EGFLAM: variants seen among roughly 807,000 people sequenced by gnomAD.
The protein encoded by EGFLAM is pikachurin.
Under a neutral mutation model 113.1 loss-of-function variants are expected in EGFLAM, and 79 were observed. That is an observed-to-expected ratio of 0.70 (90% CI 0.58 to 0.84). The LOEUF (loss-of-function observed/expected upper bound fraction) is 0.84. EGFLAM is among the 40% of genes least tolerant of loss of function. The pLI is 0.00. For synonymous variants in EGFLAM, 504 were observed against 487.6 expected (o/e 1.03, Z -0.44); for missense variants, 1,265 against 1,291.6 (o/e 0.98, Z 0.32).
chr5:38,342,001 G>A (rs1739350514), intron 3 of EGFLAM, among the ~76,000 whole-genome samples: 1 of 151,526 alleles, frequency 6.6e-6, no homozygotes, highest in Non-Finnish European at 1.5e-5. Context: ...TTGTAAGCAT[G>A]TTTTAGAAAA....
At chr5:38,274,755 C>A (rs1274619381) in intron 1 of EGFLAM, among the ~76,000 whole-genome samples, 1 of 152,150 alleles carries the variant, frequency 6.6e-6, no homozygotes, top group Non-Finnish European at 1.5e-5. Flanking sequence ...TAAAAAAAAT[C>A]TGAAAGTATA....
intron 11 of EGFLAM, among the ~76,000 whole-genome samples, chr5:38,417,497 T>TA (rs1291707887): frequency 2.6e-5 from 4 of 151,838 alleles, no homozygotes; most frequent in East Asian, 1.9e-4. Flanking sequence ...TACCTCACTG[T>TA]AAAAAAAAGA....
chr5:38,416,914 C>T (rs1418999509), intron 11 of EGFLAM, among the ~76,000 whole-genome samples: 1 of 152,178 alleles, frequency 6.6e-6, no homozygotes, highest in African/African-American at 2.4e-5. Flanking sequence ...AGATTTTCCA[C>T]TTGCTGGTAA....
intron 15 of EGFLAM, among the ~76,000 whole-genome samples, chr5:38,433,828 C>A (rs950747949): frequency 5.9e-5 from 9 of 152,180 alleles, no homozygotes; most frequent in African/African-American, 2.2e-4. Flanking sequence ...CTTTATACTT[C>A]TTTGTTAACC....
intron 13 of EGFLAM, 51 bp downstream of exon 13, chr5:38,425,143 TA>T (rs770025936): frequency 6.3e-7 from 1 of 1,587,212 alleles, no homozygotes; most frequent in South Asian, 1.1e-5. Context: ...TTAATTTGTG[TA>T]GATGTACTTT....
At chr5:38,449,674 A>ATG (rs141510682) in intron 18 of EGFLAM, among the ~76,000 whole-genome samples, 13,048 of 150,044 alleles carry the variant, frequency 0.087, 1,485 homozygotes, top group African/African-American at 0.27. Context: ...GTGCGCATGC[A>ATG]TGTGTGTGTG....
At chr5:38,283,677 C>T (rs1758080955) in intron 1 of EGFLAM, among the ~76,000 whole-genome samples, 1 of 152,172 alleles carries the variant, frequency 6.6e-6, no homozygotes, top group Non-Finnish European at 1.5e-5. Context: ...AGTCTTCTGA[C>T]CCCTGGTCTA....
chr5:38,425,118 G>C (rs563393236), intron 13 of EGFLAM, 26 bp downstream of exon 13: 3 of 1,607,278 alleles, frequency 1.9e-6, no homozygotes, highest in African/African-American at 2.7e-5. Flanking sequence ...GTTGAAGGCG[G>C]TTTCTATCTG....
At chr5:38,463,369 A>G (rs1157578402) in intron 21 of EGFLAM, among the ~76,000 whole-genome samples, 1 of 152,226 alleles carries the variant, frequency 6.6e-6, no homozygotes, top group African/African-American at 2.4e-5. Context: ...GGCTTATTAT[A>G]ATTAATTCAC....
At chr5:38,364,634 G>A (rs376856138) in intron 5 of EGFLAM, among the ~76,000 whole-genome samples, 4 of 152,226 alleles carry the variant, frequency 2.6e-5, no homozygotes, top group South Asian at 2.1e-4. Flanking sequence ...TAGCATTCCC[G>A]TCTTTGAAAG....
At chr5:38,301,399 G>T (rs1349716292) in intron 1 of EGFLAM, among the ~76,000 whole-genome samples, 1 of 152,132 alleles carries the variant, frequency 6.6e-6, no homozygotes, top group Non-Finnish European at 1.5e-5. Flanking sequence ...GAGGACACCG[G>T]TGCCTTTGAA....
chr5:38,422,119 C>T (rs564579726), intron 12 of EGFLAM, among the ~76,000 whole-genome samples: 1 of 152,084 alleles, frequency 6.6e-6, no homozygotes, highest in Non-Finnish European at 1.5e-5. Context: ...TGTTCATGGT[C>T]TCTTTAAGGA....
At chr5:38,453,219 G>T (rs527438673) in intron 19 of EGFLAM, among the ~76,000 whole-genome samples, 1 of 152,214 alleles carries the variant, frequency 6.6e-6, no homozygotes, top group South Asian at 2.1e-4. Flanking sequence ...AGTTCCATGG[G>T]GGAACTCATT....
At chr5:38,311,840 C>T (rs1294482618) in intron 1 of EGFLAM, among the ~76,000 whole-genome samples, 3 of 152,144 alleles carry the variant, frequency 2.0e-5, no homozygotes, top group East Asian at 3.9e-4. Flanking sequence ...CTTGGACAAA[C>T]GACAAACTGA....
chr5:38,310,430 G>A (rs1738401542), intron 1 of EGFLAM, among the ~76,000 whole-genome samples: 2 of 152,090 alleles, frequency 1.3e-5, no homozygotes, highest in African/African-American at 4.8e-5. Context: ...TTCTACATAT[G>A]CACTTGTCAG....
At chr5:38,406,745 G>A (rs1214177389) in intron 7 of EGFLAM, 83 bp from the exon 8 acceptor site, 2 of 1,354,768 alleles carry the variant, frequency 1.5e-6, no homozygotes, top group Non-Finnish European at 2.0e-6. Flanking sequence ...ATGTTTTCAA[G>A]TACTAGGCAA....
At chr5:38,354,148 T>G (rs1247341902) in intron 5 of EGFLAM, among the ~76,000 whole-genome samples, 2 of 152,186 alleles carry the variant, frequency 1.3e-5, no homozygotes, top group Non-Finnish European at 2.9e-5. Flanking sequence ...GTCTAAGATT[T>G]TTTTTTATAA....
chr5:38,382,737 T>C (rs1740543634), intron 6 of EGFLAM, among the ~76,000 whole-genome samples: 1 of 152,240 alleles, frequency 6.6e-6, no homozygotes, highest in South Asian at 2.1e-4. Flanking sequence ...TGTAAGGATC[T>C]ATCTCTAAAT....
intron 11 of EGFLAM, among the ~76,000 whole-genome samples, chr5:38,413,304 CG>C (rs1463974160): frequency 6.8e-6 from 1 of 147,092 alleles, no homozygotes; most frequent in Non-Finnish European, 1.5e-5. Flanking sequence ...GCTGGGGTTA[CG>C]GGGATGAGCC....
Sources: gnomAD v4.1 joint callset for allele counts (sites outside exome capture counted in the v4.1 genomes callset) on GRCh38, gnomAD v4.1.1 for gene constraint, MANE v1.5 for transcripts, NCBI Gene and HGNC (gene_info 2026-07-23, HGNC 2026-07-21) for gene names.